CSMD1: variants seen among roughly 807,000 people sequenced by gnomAD.
The protein encoded by CSMD1 is CUB and Sushi multiple domains 1, also known as CUB and sushi domain-containing protein 1.
A neutral mutation model predicts 417.5 loss-of-function variants in CSMD1; 213 were observed. That is an observed-to-expected ratio of 0.51 (90% CI 0.46 to 0.57). The LOEUF is 0.57. Ranked by LOEUF, CSMD1 falls within the 20% of genes least tolerant of loss-of-function variation. The pLI is 0.00. For synonymous variants in CSMD1, 2,862 were observed against 1,736.8 expected, an observed-to-expected ratio of 1.65 and a Z score of -16.11; for missense variants, 6,923 against 4,529.7, an observed-to-expected ratio of 1.53 and a Z score of -15.17.
chr8:4,107,112 G>A (rs1049604676), intron 3 of CSMD1, among the ~76,000 whole-genome samples: 1 of 152,130 alleles, frequency 6.6e-6, no homozygotes, highest in African/African-American at 2.4e-5. Context: ...ACAGAAATGA[G>A]GACTAACAAC....
At chr8:4,778,019 G>T (rs749489555) in intron 1 of CSMD1, among the ~76,000 whole-genome samples, 9 of 152,078 alleles carry the variant, frequency 5.9e-5, no homozygotes, top group Non-Finnish European at 1.0e-4. Flanking sequence ...ATATATTCCC[G>T]TTCTAGATGG....
chr8:4,486,246 CATACATATAT>C (rs1801406695), intron 2 of CSMD1, among the ~76,000 whole-genome samples: 1 of 10,266 alleles, frequency 9.7e-5, no homozygotes, highest in African/African-American at 3.9e-4. Context: ...TATATATATA[CATACATATAT>C]ATATATATAT....
rs530597542 is a variant in CSMD1 at position 4,070,679 on chromosome 8, C to A, written c.416-38580G>T. Among the ~76,000 whole-genome samples the A allele has an allele frequency of 3.3e-5, 5 of 152,142 alleles. No homozygotes were observed. In the East Asian group the frequency reaches 9.7e-4, roughly 29 times the overall value. On this transcript the variant is annotated intron_variant, in intron 3 of 69. Coordinates refer to ENST00000635120, the MANE Select transcript of CSMD1 (RefSeq NM_033225.6). ...GCCACCACCTATAACACTCTCTATT[C>A]GTCACTGAAGATCCAAGTTTTCACC...
Position 2,938,887 on chromosome 8 carries a change from G to A in CSMD1, c.10536-143C>T, listed in dbSNP as rs1218946911. The A allele has an allele frequency of 3.3e-5, 21 of 628,306 alleles. No homozygotes were observed. In the East Asian group the frequency reaches 6.0e-4, roughly 18 times the overall value. The allele number at this position is 628,306 out of a possible 1,614,324, so 38.9% of individuals were successfully genotyped here. ...GCAAAGAAGGAAGGCATCCACACCT[G>A]CACACCTGTCAGTTTATTTGCTTAA... On this transcript the variant is annotated intron_variant, in intron 69 of 69. Coordinates refer to ENST00000635120, the MANE Select transcript of CSMD1 (RefSeq NM_033225.6).
At chr8:3,354,075 A>G (rs1808584116) in intron 21 of CSMD1, among the ~76,000 whole-genome samples, 1 of 152,230 alleles carries the variant, frequency 6.6e-6, no homozygotes, top group South Asian at 2.1e-4. Context: ...TGTATAAATT[A>G]ATGCATATTC....
intron 2 of CSMD1, among the ~76,000 whole-genome samples, chr8:4,565,182 A>G (rs983100393): frequency 4.6e-5 from 7 of 152,236 alleles, no homozygotes; most frequent in African/African-American, 1.2e-4. Context: ...ATGAAAAACA[A>G]TAACAATAGC....
At chr8:4,521,005 G>T (rs943768100) in intron 2 of CSMD1, among the ~76,000 whole-genome samples, 2 of 151,928 alleles carry the variant, frequency 1.3e-5, no homozygotes, top group African/African-American at 4.8e-5. Flanking sequence ...TATTGCTGTT[G>T]CCCACTGCTG....
intron 23 of CSMD1, among the ~76,000 whole-genome samples, chr8:3,312,540 C>T (rs536597506): frequency 6.6e-6 from 1 of 152,182 alleles, no homozygotes; most frequent in Non-Finnish European, 1.5e-5. Flanking sequence ...GAGCTTTGTT[C>T]TCTCAAAGCT....
chr8:4,306,860 T>A (rs555346769), intron 3 of CSMD1, among the ~76,000 whole-genome samples: 1 of 151,494 alleles, frequency 6.6e-6, no homozygotes, highest in Non-Finnish European at 1.5e-5. Context: ...AATTTTTCAA[T>A]CTCTTTTTGC....
chr8:4,895,628 C>G (rs1400142069), intron 1 of CSMD1, among the ~76,000 whole-genome samples: 4 of 151,728 alleles, frequency 2.6e-5, no homozygotes, highest in Non-Finnish European at 5.9e-5. Context: ...CTTTCCTACT[C>G]TGATGTTGTG....
intron 1 of CSMD1, among the ~76,000 whole-genome samples, chr8:4,971,006 G>C (rs1272756708): frequency 6.6e-6 from 1 of 152,058 alleles, no homozygotes; most frequent in Admixed American, 6.6e-5. Flanking sequence ...CCTTTGTAGA[G>C]AAAAATCTAG....
At chr8:4,251,795 A>G (rs1238175015) in intron 3 of CSMD1, among the ~76,000 whole-genome samples, 1 of 151,054 alleles carries the variant, frequency 6.6e-6, no homozygotes, top group African/African-American at 2.4e-5. Flanking sequence ...ATGGAGGAGG[A>G]AAGATGGAGA....
At chr8:3,841,386 G>A (rs898052501) in intron 5 of CSMD1, among the ~76,000 whole-genome samples, 2 of 152,098 alleles carry the variant, frequency 1.3e-5, no homozygotes, top group African/African-American at 4.8e-5. Context: ...TCAACCTCAA[G>A]CAATGTGTTT....
intron 5 of CSMD1, among the ~76,000 whole-genome samples, chr8:3,764,731 TTC>T (rs1183095432): frequency 5.5e-5 from 7 of 127,836 alleles, no homozygotes; most frequent in African/African-American, 1.9e-4. Context: ...CACTGCCCTT[TTC>T]TCTTTCTTTT....
At chr8:4,243,455 A>T (rs1802520615) in intron 3 of CSMD1, among the ~76,000 whole-genome samples, 1 of 152,154 alleles carries the variant, frequency 6.6e-6, no homozygotes, top group Non-Finnish European at 1.5e-5. Context: ...CTCTTCCCAG[A>T]TTCGGCTTCT....
intron 41 of CSMD1, among the ~76,000 whole-genome samples, chr8:3,131,605 G>C (rs1434867632): frequency 1.3e-5 from 2 of 151,592 alleles, no homozygotes; most frequent in African/African-American, 4.8e-5. Flanking sequence ...TTGAGTAGCT[G>C]GGATTAAAGT....
At chr8:3,980,770 C>T (rs551362705) in intron 5 of CSMD1, among the ~76,000 whole-genome samples, 3 of 152,248 alleles carry the variant, frequency 2.0e-5, no homozygotes, top group Middle Eastern at 3.4e-3. Context: ...CTGCTGCAGG[C>T]GACATTCTCA....
At chr8:3,856,744 T>G (rs1364415617) in intron 5 of CSMD1, among the ~76,000 whole-genome samples, 1 of 152,174 alleles carries the variant, frequency 6.6e-6, no homozygotes, top group Non-Finnish European at 1.5e-5. Flanking sequence ...AGCCTGTGTT[T>G]CCTTTGCCAT....
chr8:4,389,345 G>A (rs1049151154), intron 3 of CSMD1, among the ~76,000 whole-genome samples: 2 of 152,092 alleles, frequency 1.3e-5, no homozygotes, highest in Non-Finnish European at 2.9e-5. Context: ...TGAGTGTAAA[G>A]AGCTGATATG....
Sources: gnomAD v4.1 joint callset for allele counts (sites outside exome capture counted in the v4.1 genomes callset) on GRCh38, gnomAD v4.1.1 for gene constraint, MANE v1.5 for transcripts, NCBI Gene and HGNC (gene_info 2026-07-23, HGNC 2026-07-21) for gene names.